The following CMC1 variants were observed in gnomAD, a reference collection of about 807,000 sequenced individuals.
The protein encoded by CMC1 is COX assembly mitochondrial protein homolog.
CMC1 carries 14 observed loss-of-function variants against 14.1 expected under a neutral mutation model. That is an observed-to-expected ratio of 0.99 (90% CI 0.66 to 1.55). The LOEUF (loss-of-function observed/expected upper bound fraction) is 1.55, where lower values mean the gene tolerates loss of function less well. CMC1 is among the 40% of genes most tolerant of loss of function. The pLI is 0.00. For synonymous variants in CMC1, 50 were observed against 38.4 expected (o/e 1.30, Z -1.12); for missense variants, 127 against 123.8 (o/e 1.03, Z -0.12).
At chr3:28,243,358 A>G (rs766188067) in intron 1 of CMC1, among the ~76,000 whole-genome samples, 1 of 152,170 alleles carries the variant, frequency 6.6e-6, no homozygotes, top group Non-Finnish European at 1.5e-5. Flanking sequence ...ACCCAGCCTA[A>G]TTATGGTACT....
At chr3:28,318,338 C>A (rs567821612) in intron 3 of CMC1, 1 of 151,862 alleles carries the variant, frequency 6.6e-6, no homozygotes, top group South Asian at 2.1e-4. Context: ...TGTTCCTTTT[C>A]TTTTACTGGA....
In CMC1 at chr3:28,324,305, C is replaced by T. The variant is rs374934599; in HGVS notation, c.*4676C>T. On this transcript the variant is annotated 3_prime_UTR_variant, in exon 4 of 4. Transcript: ENST00000466830. ...GCTTTCTCTGATAAAACCTTTACAT[C>T]TCCTGGTAAAGGGGAAGATGTGGTA... 1.0e-5 allele frequency: 16 copies of T among 1,607,090 alleles called. No homozygotes were observed. The African/African-American group carries it at 2.0e-4, about 20-fold the overall frequency.
intron 2 of CMC1, among the ~76,000 whole-genome samples, chr3:28,266,051 A>T (rs1699988440): frequency 6.6e-6 from 1 of 152,162 alleles, no homozygotes; most frequent in Non-Finnish European, 1.5e-5. Context: ...CCTAATGAAT[A>T]TCAATTTCAG....
At chr3:28,310,685 G>T (rs1240650438) in intron 2 of CMC1, among the ~76,000 whole-genome samples, 3 of 152,160 alleles carry the variant, frequency 2.0e-5, no homozygotes, top group Admixed American at 6.5e-5. Flanking sequence ...CTTTGAAAAT[G>T]GAAATGTTTT....
chr3:28,287,768 G>A (rs1175358197), intron 2 of CMC1, among the ~76,000 whole-genome samples: 4 of 151,488 alleles, frequency 2.6e-5, no homozygotes, highest in Admixed American at 6.6e-5. Context: ...CATTATTAAT[G>A]GTCAGAATCT....
chr3:28,244,888 T>C (rs202009315), intron 1 of CMC1, among the ~76,000 whole-genome samples: 7 of 75,322 alleles, frequency 9.3e-5, no homozygotes, highest in Admixed American at 6.1e-4. Context: ...AGTAGGAAGG[T>C]TTTTTTTTTT....
intron 1 of CMC1, among the ~76,000 whole-genome samples, chr3:28,248,993 T>C (rs1698988803): frequency 6.6e-6 from 1 of 152,206 alleles, no homozygotes; most frequent in African/African-American, 2.4e-5. Context: ...GGTTTCACTG[T>C]GTTAGCCAGG....
intron 2 of CMC1, among the ~76,000 whole-genome samples, chr3:28,300,129 A>G (rs1440801556): frequency 6.6e-6 from 1 of 152,026 alleles, no homozygotes; most frequent in African/African-American, 2.4e-5. Context: ...GGACTTATTT[A>G]TTAGCAAAGT....
Position 28,308,305 on chromosome 3 carries a change from A to G in CMC1, c.110-8028A>G, listed in dbSNP as rs1388601066. Among the ~76,000 whole-genome samples, 4 of 152,210 alleles carry G rather than the reference A, an allele frequency of 2.6e-5. No homozygotes were observed. The South Asian group carries it at 6.2e-4, about 24-fold the overall frequency. Reference sequence around the variant, plus strand: ...AAAGAAAAGAAAAAGCTACTTTTATATCTTCATGAACGGTAATACAATACA... The same window carrying G: ...AAAGAAAAGAAAAAGCTACTTTTATGTCTTCATGAACGGTAATACAATACA... On this transcript the variant is annotated intron_variant, in intron 2 of 3. Coordinates refer to ENST00000466830, the MANE Select transcript of CMC1 (RefSeq NM_182523.2).
At chr3:28,257,647 T>C (rs892350770) in intron 1 of CMC1, among the ~76,000 whole-genome samples, 3 of 152,144 alleles carry the variant, frequency 2.0e-5, no homozygotes, top group Admixed American at 6.5e-5. Context: ...GCCTCCCGAA[T>C]GGCTGGGACT....
intron 2 of CMC1, among the ~76,000 whole-genome samples, chr3:28,284,928 A>G (rs1188342324): frequency 1.3e-5 from 2 of 152,220 alleles, no homozygotes. Flanking sequence ...TATCCTGTCA[A>G]TTATATGGCT....
At chr3:28,277,488 T>C (rs74935575) in intron 2 of CMC1, among the ~76,000 whole-genome samples, 3 of 152,160 alleles carry the variant, frequency 2.0e-5, no homozygotes, top group Non-Finnish European at 4.4e-5. Flanking sequence ...TTGAAAGTTA[T>C]GAACTTTAGT....
intron 2 of CMC1, among the ~76,000 whole-genome samples, chr3:28,296,602 A>G (rs1008058888): frequency 2.0e-5 from 3 of 151,996 alleles, no homozygotes; most frequent in African/African-American, 7.2e-5. Flanking sequence ...CAGGATTTCC[A>G]GATCCTGAGA....
chr3:28,313,223 AAAAG>A (rs1702729199), intron 2 of CMC1, among the ~76,000 whole-genome samples: 1 of 152,216 alleles, frequency 6.6e-6, no homozygotes, highest in Non-Finnish European at 1.5e-5. Flanking sequence ...AAGAGTTTAC[AAAAG>A]AAAGACACAG....
At chr3:28,316,122 G>A in intron 2 of CMC1, 1 of 360,280 alleles carries the variant, frequency 2.8e-6, no homozygotes, top group Non-Finnish European at 5.0e-6. Context: ...CCTTTTACTG[G>A]TGTACATGTC....
At chr3:28,276,625 T>C (rs1700602509) in intron 2 of CMC1, among the ~76,000 whole-genome samples, 1 of 152,190 alleles carries the variant, frequency 6.6e-6, no homozygotes, top group African/African-American at 2.4e-5. Context: ...GAGTAGAAGA[T>C]CACACTTCAC....
intron 1 of CMC1, among the ~76,000 whole-genome samples, chr3:28,256,567 A>G (rs1175534043): frequency 6.6e-6 from 1 of 152,200 alleles, no homozygotes; most frequent in Non-Finnish European, 1.5e-5. Context: ...GGTGGTTTTT[A>G]ACAAACTTTC....
intron 2 of CMC1, chr3:28,315,897 T>G (rs1312308304): frequency 6.5e-6 from 1 of 154,442 alleles, no homozygotes; most frequent in Non-Finnish European, 1.4e-5. Context: ...AAGTACACTC[T>G]GATCTTTGGA....
intron 2 of CMC1, among the ~76,000 whole-genome samples, chr3:28,271,082 C>T (rs35504778): frequency 0.16 from 24,872 of 151,766 alleles, 2,684 homozygotes; most frequent in Admixed American, 0.25. Context: ...AGGCATGTGC[C>T]ACCATACTCG....
Sources: allele counts gnomAD v4.1 joint callset (sites outside exome capture counted in the v4.1 genomes callset), GRCh38; gene constraint gnomAD v4.1.1; transcripts MANE v1.5; gene names NCBI Gene and HGNC (gene_info 2026-07-23, HGNC 2026-07-21).